Variants in KATNBL1 observed in about 807,000 individuals in gnomAD.
KATNBL1 encodes katanin regulatory subunit B1 like 1.
KATNBL1 carries 28 observed loss-of-function variants against 44.7 expected under a neutral mutation model. The ratio of observed to expected loss-of-function variants is 0.63; its 90% CI spans 0.46 to 0.86. KATNBL1 has a LOEUF of 0.86. KATNBL1 is among the 40% of genes least tolerant of loss of function. The probability of loss-of-function intolerance (pLI) is 0.00; values close to 1 mark genes in which losing one functional copy is unlikely to be tolerated. For missense variants in KATNBL1, 272 were observed against 350.7 expected (o/e 0.78, Z 1.79); for synonymous variants, 78 against 114.9 (o/e 0.68, Z 2.06).
chr15:34,144,563 A>C (rs1888252823), intron 9 of KATNBL1, among the ~76,000 whole-genome samples: 1 of 151,110 alleles, frequency 6.6e-6, no homozygotes, highest in South Asian at 2.1e-4. Context: ...TTAACTACTA[A>C]TGTTTTTTCT....
In KATNBL1 at chr15:34,159,662, C is replaced by T. The variant is rs1335078617; in HGVS notation, c.117+3898G>A. Among the ~76,000 whole-genome samples, 3 of 152,066 alleles carry T rather than the reference C, an allele frequency of 2.0e-5. No individual in the cohort carries two copies. In the East Asian group the frequency reaches 5.8e-4, roughly 29 times the overall value. ...CCTTGATTCCCATCTTTTGACCATA[C>T]CTTGGGATGAATGTGTTCTTTGTCT... On this transcript the variant is annotated intron_variant, in intron 2 of 9. Coordinates refer to ENST00000256544, the MANE Select transcript of KATNBL1 (RefSeq NM_024713.3).
At chr15:34,205,412 G>A (rs1890269040) in intron 1 of KATNBL1, among the ~76,000 whole-genome samples, 1 of 152,134 alleles carries the variant, frequency 6.6e-6, no homozygotes, top group Non-Finnish European at 1.5e-5. Flanking sequence ...TATATTAAGT[G>A]TAGCACAGGG....
At chr15:34,192,593 G>C (rs1208478417) in intron 1 of KATNBL1, among the ~76,000 whole-genome samples, 1 of 152,044 alleles carries the variant, frequency 6.6e-6, no homozygotes, top group East Asian at 1.9e-4. Context: ...GACTGTATAC[G>C]AAATCGACTT....
intron 2 of KATNBL1, among the ~76,000 whole-genome samples, chr15:34,162,772 G>T (rs1182623167): frequency 1.3e-5 from 2 of 151,926 alleles, no homozygotes; most frequent in African/African-American, 4.8e-5. Context: ...ACCATGCCTG[G>T]CTAGTTGAAA....
rs1888910844 is a variant in KATNBL1 at position 34,164,648 on chromosome 15, C to T, written c.-14-958G>A. On this transcript the variant is annotated intron_variant, in intron 1 of 9. Transcript: ENST00000256544. Reference sequence around the variant, plus strand: ...ACAGAAGAAATTTGTGATTTTCTCACTTGCACTCTGGTTTCACGTTGGAAA... The same window carrying T: ...ACAGAAGAAATTTGTGATTTTCTCATTTGCACTCTGGTTTCACGTTGGAAA... Among the ~76,000 whole-genome samples, 7 of 152,308 alleles carry T rather than the reference C, an allele frequency of 4.6e-5. No homozygotes were observed. The South Asian group carries it at 1.4e-3, about 32-fold the overall frequency.
At chr15:34,185,487 T>G (rs1391842458) in intron 1 of KATNBL1, among the ~76,000 whole-genome samples, 1 of 152,198 alleles carries the variant, frequency 6.6e-6, no homozygotes, top group African/African-American at 2.4e-5. Context: ...TATATTTACG[T>G]ATGCAATGTA....
At position 34,207,420 on chromosome 15, in the gene KATNBL1, G is replaced by A. The variant is rs145653987; in HGVS notation, c.-15+2531C>T. Reference sequence around the variant, plus strand: ...AGACAGGGTTTCATCGTGTTAGCCAGGATGGTCTCGATCTCCTGACCTTGT... The same window carrying A: ...AGACAGGGTTTCATCGTGTTAGCCAAGATGGTCTCGATCTCCTGACCTTGT... On this transcript the variant is annotated intron_variant, in intron 1 of 9. Transcript: ENST00000256544. 6.0e-3 allele frequency among the ~76,000 whole-genome samples: 919 copies of A among 152,238 alleles called. 10 individuals carry two copies. Among genetic ancestry groups the A allele is most frequent in the African/African-American group, 0.021 (883 of 41,540 alleles).
chr15:34,194,959 C>G (rs1173678141), intron 1 of KATNBL1, among the ~76,000 whole-genome samples: 1 of 152,088 alleles, frequency 6.6e-6, no homozygotes, highest in African/African-American at 2.4e-5. Flanking sequence ...TAACAGATAA[C>G]AAGGGTGTGG....
In KATNBL1 at chr15:34,160,412, T is replaced by C. The variant is rs540588117; in HGVS notation, c.117+3148A>G. The stretch of plus-strand genomic sequence containing the variant: ...TTCCCAGTTCTCTATCTTTTGTAAT[T>C]TCTTGTTAATATCTGGCCAACTATT... On this transcript the variant is annotated intron_variant, in intron 2 of 9. Transcript: ENST00000256544. Among the ~76,000 whole-genome samples the C allele has an allele frequency of 7.9e-5, 12 of 152,298 alleles. No homozygotes were observed. The South Asian group carries it at 2.3e-3, about 29-fold the overall frequency.
chr15:34,168,591 A>G (rs1474531363), intron 1 of KATNBL1, among the ~76,000 whole-genome samples: 1 of 152,210 alleles, frequency 6.6e-6, no homozygotes, highest in East Asian at 1.9e-4. Context: ...AAGCTGACCT[A>G]ACAGACATCT....
At chr15:34,154,428 G>A (rs1407632380) in intron 3 of KATNBL1, among the ~76,000 whole-genome samples, 2 of 152,118 alleles carry the variant, frequency 1.3e-5, no homozygotes, top group Non-Finnish European at 2.9e-5. Context: ...CAACTGTTAG[G>A]GTTAATGTTA....
chr15:34,185,198 G>A (rs947388606), intron 1 of KATNBL1, among the ~76,000 whole-genome samples: 55 of 151,590 alleles, frequency 3.6e-4, no homozygotes, highest in African/African-American at 1.2e-3. Flanking sequence ...TCAAACTCCT[G>A]GGCTGAAGAG....
chr15:34,209,126 C>T (rs1567543056), intron 1 of KATNBL1: 2 of 152,178 alleles, frequency 1.3e-5, no homozygotes, highest in Admixed American at 6.5e-5. Flanking sequence ...AAGTAAAAGC[C>T]TCAATGGATG....
chr15:34,207,133 G>A (rs1890316548), intron 1 of KATNBL1, among the ~76,000 whole-genome samples: 1 of 151,336 alleles, frequency 6.6e-6, no homozygotes, highest in African/African-American at 2.4e-5. Flanking sequence ...TCCAACTTCT[G>A]GACTCAAGGA....
intron 1 of KATNBL1, among the ~76,000 whole-genome samples, chr15:34,199,263 C>A (rs1210031169): frequency 6.6e-6 from 1 of 152,118 alleles, no homozygotes; most frequent in East Asian, 1.9e-4. Flanking sequence ...ATGGCAAAAC[C>A]CCGTCTCTAC....
At chr15:34,191,582 ATTG>A (rs1889873698) in intron 1 of KATNBL1, among the ~76,000 whole-genome samples, 1 of 152,104 alleles carries the variant, frequency 6.6e-6, no homozygotes, top group African/African-American at 2.4e-5. Context: ...ATTATTAATC[ATTG>A]TTAATTATTT....
intron 1 of KATNBL1, among the ~76,000 whole-genome samples, chr15:34,177,462 T>C (rs554926549): frequency 2.6e-5 from 4 of 151,894 alleles, no homozygotes; most frequent in South Asian, 2.1e-4. Flanking sequence ...CTGACCAACA[T>C]AGTGAAATCC....
At chr15:34,185,252 G>A (rs772849421) in intron 1 of KATNBL1, among the ~76,000 whole-genome samples, 29 of 152,240 alleles carry the variant, frequency 1.9e-4, no homozygotes, top group Non-Finnish European at 3.5e-4. Context: ...TTACAGGCAT[G>A]CACCACTGTG....
intron 9 of KATNBL1, among the ~76,000 whole-genome samples, chr15:34,144,737 A>AT (rs1888259145): frequency 6.6e-6 from 1 of 152,024 alleles, no homozygotes; most frequent in Admixed American, 6.5e-5. Context: ...CACCCAGGTA[A>AT]TTTTTTGTAT....
Sources: allele counts gnomAD v4.1 joint callset (sites outside exome capture counted in the v4.1 genomes callset), GRCh38; gene constraint gnomAD v4.1.1; transcripts MANE v1.5; gene names NCBI Gene and HGNC (gene_info 2026-07-23, HGNC 2026-07-21).